Variants in TFAP4 observed in about 807,000 individuals in gnomAD.
The protein encoded by TFAP4 is transcription factor AP-4.
Under a neutral mutation model 40.4 loss-of-function variants are expected in TFAP4, and 7 were observed. The ratio of observed to expected loss-of-function variants is 0.17; its 90% CI spans 0.10 to 0.33. The LOEUF is 0.33. Ranked by LOEUF, TFAP4 falls within the 10% of genes least tolerant of loss-of-function variation. The pLI, the probability that TFAP4 is intolerant of heterozygous loss-of-function variation, is 1.00. For synonymous variants in TFAP4, 218 were observed against 181.4 expected (o/e 1.20, Z -1.62); for missense variants, 374 against 451.1 (o/e 0.83, Z 1.55).
At chr16:4,267,458 G>A (rs1211672184) in intron 1 of TFAP4, among the ~76,000 whole-genome samples, 1 of 152,254 alleles carries the variant, frequency 6.6e-6, no homozygotes, top group South Asian at 2.1e-4. Context: ...ACCAGCCTTG[G>A]ATGCTAAGGC....
chr16:4,259,943 C>CG, intron 6 of TFAP4, 147 bp downstream of exon 6: 1 of 1,075,684 alleles, frequency 9.3e-7, no homozygotes, highest in Non-Finnish European at 1.3e-6. Context: ...GATCCAGGGA[C>CG]GGGGCCCCCC....
At chr16:4,264,968 G>A (rs1444011038) in intron 1 of TFAP4, 2 of 152,250 alleles carry the variant, frequency 1.3e-5, no homozygotes, top group African/African-American at 2.4e-5. Flanking sequence ...GGTCCCTCCT[G>A]GCAATGCCCA....
At chr16:4,270,643 T>A (rs2053033133) in intron 1 of TFAP4, among the ~76,000 whole-genome samples, 1 of 152,218 alleles carries the variant, frequency 6.6e-6, no homozygotes, top group Non-Finnish European at 1.5e-5. Flanking sequence ...CCTACCAAGA[T>A]CCAGCTACCC....
chr16:4,270,762 A>C (rs1310341985), intron 1 of TFAP4, among the ~76,000 whole-genome samples: 1 of 152,204 alleles, frequency 6.6e-6, no homozygotes, highest in East Asian at 1.9e-4. Context: ...CATGGCAGCC[A>C]GAGGGCCCCC....
At chr16:4,264,343 GACGCA>G in intron 1 of TFAP4, 1 of 152,458 alleles carries the variant, frequency 6.6e-6, no homozygotes. Flanking sequence ...TGGGACCCTG[GACGCA>G]TCGCTGCCCC....
At chr16:4,268,375 T>A (rs187449008) in intron 1 of TFAP4, among the ~76,000 whole-genome samples, 1 of 152,230 alleles carries the variant, frequency 6.6e-6, no homozygotes, top group East Asian at 1.9e-4. Flanking sequence ...GGACAACCCA[T>A]GAAACTCTTA....
chr16:4,259,322 T>C (rs2052925463), intron 6 of TFAP4, among the ~76,000 whole-genome samples: 2 of 151,698 alleles, frequency 1.3e-5, no homozygotes, highest in African/African-American at 4.8e-5. Context: ...TTAATAGAGA[T>C]GGGGTTTTCA....
chr16:4,257,910 T>C lies in TFAP4; in HGVS notation c.*145A>G. Reference sequence around the variant, plus strand: ...GAGTGGCTTCGTTCAAAGGTCGATTTACAGTATTGAAAAAGAGGTCATAAA... The same window carrying C: ...GAGTGGCTTCGTTCAAAGGTCGATTCACAGTATTGAAAAAGAGGTCATAAA... On this transcript the variant is annotated 3_prime_UTR_variant, in exon 7 of 7. Transcript: ENST00000204517. The C allele has an allele frequency of 2.5e-6, 2 of 811,400 alleles. No individual in the cohort carries two copies. The highest frequency in any genetic ancestry group is 3.8e-6 in the Non-Finnish European group (2 of 530,398). The allele number at this position is 811,400 out of a possible 1,614,324, so 50.3% of individuals were successfully genotyped here.
intron 4 of TFAP4, 130 bp from the exon 5 acceptor site, chr16:4,260,725 A>T: frequency 8.3e-6 from 9 of 1,080,388 alleles, no homozygotes; most frequent in Non-Finnish European, 1.1e-5. Context: ...AGAGGCCAGA[A>T]GCCTTTCCAG....
In TFAP4 at chr16:4,260,224, T is replaced by TGGGGGGGGGGGGGGGGGGGGGGG; in HGVS notation, c.687_688insCCCCCCCCCCCCCCCCCCCCCCC (p.Thr230ProfsTer14). The TGGGGGGGGGGGGGGGGGGGGGGG allele has an allele frequency of 4.5e-6, 1 of 223,762 alleles. No individual in the cohort carries two copies. The highest frequency in any genetic ancestry group is 7.9e-6 in the Non-Finnish European group (1 of 126,040). The allele number at this position is 223,762 out of a possible 1,614,324, so 13.9% of individuals were successfully genotyped here. A position where few individuals can be genotyped will look rare whatever the true frequency, so the allele number is the denominator to read the frequency against. On this transcript the variant is annotated frameshift_variant, in exon 6 of 7. Coordinates refer to ENST00000204517, the MANE Select transcript of TFAP4 (RefSeq NM_003223.3). LOFTEE classifies it high-confidence loss of function. ...GGCACGATCACCGTGGGGTGGTGGG[T>TGGGGGGGGGGGGGGGGGGGGGGG]GGGGGCCGGAGGGGGCAGAAGCTGC...
intron 5 of TFAP4, 39 bp downstream of exon 5, chr16:4,260,416 C>G: frequency 6.5e-7 from 1 of 1,538,760 alleles, no homozygotes; most frequent in East Asian, 2.3e-5. Context: ...TGTCCCCTTC[C>G]CGGTCCCCAG....
chr16:4,268,837 T>A (rs930309325), intron 1 of TFAP4, among the ~76,000 whole-genome samples: 4 of 151,734 alleles, frequency 2.6e-5, no homozygotes, highest in African/African-American at 4.8e-5. Flanking sequence ...CAAGTGATCC[T>A]CCCGCCTTGG....
chr16:4,264,622 C>T (rs1597313856), intron 1 of TFAP4: 1 of 152,424 alleles, frequency 6.6e-6, no homozygotes, highest in African/African-American at 2.4e-5. Context: ...AGCTGGATGT[C>T]AGTGCTCTCA....
rs182661357 is a variant in TFAP4, at chr16:4,261,776, C to T, written c.525+3G>A. On this transcript the variant is annotated splice_donor_region_variant and intron_variant, in intron 4 of 6. Coordinates refer to ENST00000204517, the MANE Select transcript of TFAP4 (RefSeq NM_003223.3). ...CCGTGCCCAGCAGAGGGCGCTGCCT[C>T]ACCTGCTCCTCCAGCATCATGCGCA... The T allele has an allele frequency of 2.0e-4, 327 of 1,601,810 alleles. No individual in the cohort carries two copies. Among genetic ancestry groups the T allele is most frequent in the Admixed American group, 5.1e-4 (30 of 58,656 alleles).
intron 5 of TFAP4, 63 bp downstream of exon 5, chr16:4,260,392 C>T (rs930199499): frequency 4.0e-6 from 6 of 1,517,328 alleles, no homozygotes; most frequent in African/African-American, 2.8e-5. Flanking sequence ...AGGCTTCCGC[C>T]ATTCAAGATC....
At chr16:4,269,492 C>CA (rs60856578) in intron 1 of TFAP4, among the ~76,000 whole-genome samples, 13,302 of 42,992 alleles carry the variant, frequency 0.31, 2,293 homozygotes, top group East Asian at 0.63. Context: ...GACTCTGCCT[C>CA]AAAAAAAAAA....
Position 4,257,311 on chromosome 16 carries a change from T to TAAAAAAAAAA in TFAP4, c.*734_*743dup. 1 of 114,778 alleles carries TAAAAAAAAAA rather than the reference T, an allele frequency of 8.7e-6. No individual in the cohort carries two copies. The highest frequency in any genetic ancestry group is 1.8e-5 in the Non-Finnish European group (1 of 55,870). 7.1% of individuals were successfully genotyped at this position (114,778 alleles called of 1,614,324 possible). A position where few individuals can be genotyped will look rare whatever the true frequency, so the allele number is the denominator to read the frequency against. On this transcript the variant is annotated 3_prime_UTR_variant, in exon 7 of 7. Coordinates refer to ENST00000204517, the MANE Select transcript of TFAP4 (RefSeq NM_003223.3). The stretch of plus-strand genomic sequence containing the variant: ...CTTGAACACGAAGACCTCAAAATTG[T>TAAAAAAAAAA]AAAAAAAAAAAAAAAAGAAAGAAAA...
rs1567200144 is a variant in TFAP4, at chr16:4,260,182, G to C, written c.730C>G (p.Pro244Ala). 6.3e-7 allele frequency: 1 copy of C among 1,579,894 alleles called. No homozygotes were observed. ...GTGACGACATTGATGTGGTGGGAGGGAGGAGGAGGCGGTGCTGGCACGATC... is the reference window on the plus strand; with the variant it reads ...GTGACGACATTGATGTGGTGGGAGGCAGGAGGAGGCGGTGCTGGCACGATC... ...TVIVPAPPPP[P>A]SHHINVVTMG... Residue 244 changes from proline to alanine, a missense_variant, in exon 6 of 7, where the codon CCC (proline) becomes GCC (alanine). By Grantham distance (27) the Pro-to-Ala change is conservative. Coordinates refer to ENST00000204517, the MANE Select transcript of TFAP4 (RefSeq NM_003223.3).
At chr16:4,265,609 C>CAGAA (rs764579856) in intron 1 of TFAP4, 1 of 39,086 alleles carries the variant, frequency 2.6e-5, no homozygotes, top group Non-Finnish European at 4.4e-5. Context: ...GACCTTGTCT[C>CAGAA]AAAAAAAAAA....
Sources: gnomAD v4.1 joint callset for allele counts (sites outside exome capture counted in the v4.1 genomes callset) on GRCh38, gnomAD v4.1.1 for gene constraint, MANE v1.5 for transcripts, NCBI Gene and HGNC (gene_info 2026-07-23, HGNC 2026-07-21) for gene names.